ESCO1: variants seen among roughly 807,000 people sequenced by gnomAD.
ESCO1 encodes N-acetyltransferase ESCO1.
Under a neutral mutation model 83.5 loss-of-function variants are expected in ESCO1, and 33 were observed. The ratio of observed to expected loss-of-function variants is 0.40; its 90% CI spans 0.30 to 0.53. The LOEUF (loss-of-function observed/expected upper bound fraction) is 0.53, where lower values mean the gene tolerates loss of function less well. Ranked by LOEUF, ESCO1 falls within the 20% of genes least tolerant of loss-of-function variation. ESCO1 has a pLI of 0.63. For missense variants in ESCO1, 855 were observed against 968.0 expected (o/e 0.88, Z 1.55); for synonymous variants, 332 against 324.3 (o/e 1.02, Z -0.25).
rs1842065652 is a variant in ESCO1 at position 21,574,580 on chromosome 18, C to T, written c.264G>A (p.Val88=). The T allele has an allele frequency of 3.1e-6, 5 of 1,613,890 alleles. No homozygotes were observed. The highest frequency in any genetic ancestry group is 1.3e-5 in the African/African-American group (1 of 74,912). ...KATKSINKNT[V]TVRGYSQEST... ...ATTCTTGTGAATATCCCCTCACAGT[C>T]ACCGTATTTTTATTAATGGATTTAG... is the stretch of plus-strand genomic sequence containing the variant. Residue 88 remains valine (V), a synonymous_variant, in exon 4 of 12, where the codon GTG becomes GTA. Transcript: ENST00000269214.
intron 8 of ESCO1, among the ~76,000 whole-genome samples, chr18:21,544,222 C>T (rs1347124737): frequency 6.6e-6 from 1 of 151,636 alleles, no homozygotes; most frequent in African/African-American, 2.4e-5. Flanking sequence ...TGCAGTGAGC[C>T]GAGATCGCGC....
At chr18:21,545,821 C>CG (rs1214099836) in intron 8 of ESCO1, among the ~76,000 whole-genome samples, 3 of 150,900 alleles carry the variant, frequency 2.0e-5, no homozygotes, top group African/African-American at 4.9e-5. Flanking sequence ...CCCAGCTACT[C>CG]GGGGGGGCTG....
chr18:21,544,435 C>T (rs561966110), intron 8 of ESCO1, among the ~76,000 whole-genome samples: 6 of 148,990 alleles, frequency 4.0e-5, no homozygotes, highest in African/African-American at 1.5e-4. Flanking sequence ...GGTGAAACCT[C>T]GTTTCTACTA....
In ESCO1 at chr18:21,573,424, T is replaced by C; in HGVS notation, c.1420A>G (p.Lys474Glu). ...TTTTCAGGAGCCCTTTCTGTGGTTT[T>C]ATTAATTTCTACTGTAATATCATTA... ...KINDITVEIN[K>E]TTERAPENCH... is the part of the protein sequence containing the mutation. The change falls in exon 4 of 12, where the codon AAA becomes GAA. Residue 474 changes from lysine (K) to glutamate (E), a missense_variant. By Grantham distance (56) the Lys-to-Glu change is moderately conservative (BLOSUM62 1). Coordinates refer to ENST00000269214, the MANE Select transcript of ESCO1 (RefSeq NM_052911.3). 2 of 1,612,090 alleles carry C rather than the reference T, an allele frequency of 1.2e-6. No individual in the cohort carries two copies. The highest frequency in any genetic ancestry group is 8.5e-7 in the Non-Finnish European group (1 of 1,179,502).
chr18:21,564,060 A>G, intron 7 of ESCO1, 143 bp downstream of exon 7: 1 of 595,550 alleles, frequency 1.7e-6, no homozygotes. Flanking sequence ...CACCAGATGC[A>G]GATGTCAGGC....
At chr18:21,538,923 A>G (rs553990513) in intron 9 of ESCO1, among the ~76,000 whole-genome samples, 1 of 152,190 alleles carries the variant, frequency 6.6e-6, no homozygotes, top group Admixed American at 6.5e-5. Context: ...TTTAAAAATA[A>G]GTTTACCTTT....
chr18:21,550,356 A>G (rs979823987), intron 8 of ESCO1, among the ~76,000 whole-genome samples: 7 of 152,240 alleles, frequency 4.6e-5, no homozygotes, highest in Non-Finnish European at 8.8e-5. Flanking sequence ...CTACTATAAC[A>G]TCTAAACCTT....
intron 11 of ESCO1, 28 bp downstream of exon 11, chr18:21,532,445 A>C (rs1428374804): frequency 1.2e-5 from 19 of 1,588,084 alleles, no homozygotes; most frequent in Non-Finnish European, 1.6e-5. Context: ...ACTACTAAAA[A>C]TGATTTGAAG....
intron 8 of ESCO1, among the ~76,000 whole-genome samples, chr18:21,543,346 C>T (rs986745058): frequency 6.6e-6 from 1 of 152,092 alleles, no homozygotes; most frequent in African/African-American, 2.4e-5. Flanking sequence ...TTAGTAGAAA[C>T]AGGGTTTCTC....
chr18:21,584,318 AATAAT>A lies in ESCO1; in HGVS notation c.-707_-703del, dbSNP rs1341845783. 1 of 152,188 alleles carries A rather than the reference AATAAT, an allele frequency of 6.6e-6. No homozygotes were observed. Among genetic ancestry groups the A allele is most frequent in the African/African-American group, 2.4e-5 (1 of 41,460 alleles). 9.4% of individuals were successfully genotyped at this position (152,188 alleles called of 1,614,324 possible). On this transcript the variant is annotated 5_prime_UTR_variant, in exon 2 of 12. Transcript: ENST00000269214. Reference sequence around the variant, plus strand: ...AATTATATGCCACTTACCTTAAAGAAATAATATATCACCTTTTTCTTCAAGTTGAT... The same window carrying A: ...AATTATATGCCACTTACCTTAAAGAAATATCACCTTTTTCTTCAAGTTGAT...
rs138325343 is a variant in ESCO1 at position 21,537,481 on chromosome 18, G to A, written c.2044-1296C>T. 2.2e-3 allele frequency among the ~76,000 whole-genome samples: 328 copies of A among 152,278 alleles called. 1 individual carries two copies. Among genetic ancestry groups the A allele is most frequent in the African/African-American group, 7.8e-3 (323 of 41,554 alleles). On this transcript the variant is annotated intron_variant, in intron 9 of 11. Coordinates refer to ENST00000269214, the MANE Select transcript of ESCO1 (RefSeq NM_052911.3). ...GCTCAGGAGTTTGAGGTTACAGTGA[G>A]CTATGATCACACCACTGCACTCCAG...
intron 9 of ESCO1, among the ~76,000 whole-genome samples, chr18:21,538,646 T>C (rs987839641): frequency 6.6e-6 from 1 of 152,212 alleles, no homozygotes; most frequent in Non-Finnish European, 1.5e-5. Flanking sequence ...AGGCGCAAAG[T>C]ATTTTCCTTC....
At chr18:21,553,109 G>T (rs566803314) in intron 8 of ESCO1, among the ~76,000 whole-genome samples, 1 of 152,088 alleles carries the variant, frequency 6.6e-6, no homozygotes. Context: ...GGGCAATATA[G>T]GGAAACCTCA....
At chr18:21,596,243 A>C (rs1450731295) in intron 1 of ESCO1, among the ~76,000 whole-genome samples, 1 of 150,942 alleles carries the variant, frequency 6.6e-6, no homozygotes, top group African/African-American at 2.4e-5. Flanking sequence ...CAAAACAAAA[A>C]AAAACAGAAA....
chr18:21,552,016 T>C (rs955902267), intron 8 of ESCO1, among the ~76,000 whole-genome samples: 5 of 152,210 alleles, frequency 3.3e-5, no homozygotes, highest in African/African-American at 7.2e-5. Flanking sequence ...CAAAACCAGA[T>C]AGGAAGACTC....
intron 1 of ESCO1, among the ~76,000 whole-genome samples, chr18:21,595,710 T>C (rs9948213): frequency 7.0e-6 from 1 of 142,804 alleles, no homozygotes; most frequent in African/African-American, 2.6e-5. Flanking sequence ...ACGCCTGTAA[T>C]CCCAGCACTT....
chr18:21,580,273 C>T (rs983538171), intron 2 of ESCO1, among the ~76,000 whole-genome samples: 3 of 151,924 alleles, frequency 2.0e-5, no homozygotes, highest in Admixed American at 2.0e-4. Context: ...TTTAAAAAAC[C>T]TATCATAAGG....
intron 1 of ESCO1, among the ~76,000 whole-genome samples, chr18:21,599,583 T>C (rs2038812339): frequency 6.6e-6 from 1 of 152,188 alleles, no homozygotes; most frequent in East Asian, 1.9e-4. Context: ...TGAGATATCG[T>C]TTTGTAATAC....
rs781413351 is a variant in ESCO1 at position 21,532,501 on chromosome 18, T to C, written c.2347A>G (p.Ile783Val). ...WVFSMMRRKK[I>V]ASRMIECLRS... ...AGGCATTCAATCATGCGAGAAGCAA[T>C]TTTCTTCCGACGCATCATGCTGAAT... Residue 783 changes from isoleucine (I) to valine (V), a missense_variant, in exon 11 of 12, where the codon ATT (isoleucine) becomes GTT (valine). By Grantham distance (29) the Ile-to-Val change is conservative. This residue lies in a region of ESCO1 where 129 missense variants were observed against 268.5 expected (regional missense o/e 0.48). Coordinates refer to ENST00000269214, the MANE Select transcript of ESCO1 (RefSeq NM_052911.3). The C allele has an allele frequency of 1.2e-6, 2 of 1,613,098 alleles. No individual in the cohort carries two copies. Among genetic ancestry groups the C allele is most frequent in the East Asian group, 4.5e-5 (2 of 44,848 alleles).
Sources: gnomAD v4.1 joint callset for allele counts (sites outside exome capture counted in the v4.1 genomes callset) on GRCh38, gnomAD v4.1.1 for gene constraint, gnomAD v4.1.1 regional missense constraint, MANE v1.5 for transcripts, NCBI Gene and HGNC (gene_info 2026-07-23, HGNC 2026-07-21) for gene names.